Variants in AOPEP observed in about 807,000 individuals in gnomAD.
AOPEP encodes the protein aminopeptidase O.
In AOPEP, 77 loss-of-function variants were observed where a neutral mutation model predicts 98.1. The ratio of observed to expected loss-of-function variants is 0.78; its 90% CI spans 0.65 to 0.95. The LOEUF (loss-of-function observed/expected upper bound fraction) is 0.95, where lower values mean the gene tolerates loss of function less well. AOPEP is among the 40% of genes least tolerant of loss of function. AOPEP has a pLI of 0.00. For missense variants in AOPEP, 1,024 were observed against 1,024.7 expected, an observed-to-expected ratio of 1.00 and a Z score of 0.01; for synonymous variants, 346 against 365.3, an observed-to-expected ratio of 0.95 and a Z score of 0.60.
the AOPEP span, among the ~76,000 whole-genome samples, chr9:95,097,985 C>G: frequency 2.0e-5 from 3 of 152,118 alleles, no homozygotes; most frequent in Non-Finnish European, 4.4e-5. Context: ...CCCGAGCCCC[C>G]GGGCTGGGGG....
At chr9:94,865,466 A>C (rs1276764426) in intron 5 of AOPEP, among the ~76,000 whole-genome samples, 2 of 152,186 alleles carry the variant, frequency 1.3e-5, no homozygotes, top group Admixed American at 1.3e-4. Flanking sequence ...AAATGAAAGG[A>C]ATCTGTAATG....
the AOPEP span, chr9:95,126,937 A>G: frequency 6.5e-6 from 2 of 309,302 alleles, no homozygotes; most frequent in East Asian, 1.5e-4. Context: ...GTTCTACTGA[A>G]GTGTGCCTGT....
intron 7 of AOPEP, among the ~76,000 whole-genome samples, chr9:94,944,172 G>C (rs919722922): frequency 1.3e-5 from 2 of 152,276 alleles, no homozygotes; most frequent in Admixed American, 1.3e-4. Flanking sequence ...TGGTGCAGCT[G>C]CTGTGGAAAA....
intron 5 of AOPEP, among the ~76,000 whole-genome samples, chr9:94,907,739 G>A (rs891719122): frequency 6.6e-6 from 1 of 152,058 alleles, no homozygotes; most frequent in Admixed American, 6.5e-5. Flanking sequence ...ACTAGAATTC[G>A]AGGCATGTCC....
At chr9:95,050,803 T>C (rs903331157) in intron 13 of AOPEP, among the ~76,000 whole-genome samples, 1 of 152,218 alleles carries the variant, frequency 6.6e-6, no homozygotes, top group Admixed American at 6.5e-5. Flanking sequence ...AAAAAATATT[T>C]ATGTTGTCTT....
intron 5 of AOPEP, among the ~76,000 whole-genome samples, chr9:94,909,339 G>A (rs1173089444): frequency 2.0e-5 from 2 of 99,546 alleles, no homozygotes; most frequent in Non-Finnish European, 3.7e-5. Context: ...GTGAATTTTT[G>A]GAGCCTTAAA....
At chr9:95,088,515 T>C (rs557291223), downstream of AOPEP, among the ~76,000 whole-genome samples, 1 of 151,356 alleles carries the variant, frequency 6.6e-6, no homozygotes, top group African/African-American at 2.4e-5. Context: ...GGCCTCTCTC[T>C]CTCTCTCTCT....
At chr9:94,865,694 G>T (rs2045625131) in intron 5 of AOPEP, among the ~76,000 whole-genome samples, 1 of 152,148 alleles carries the variant, frequency 6.6e-6, no homozygotes, top group Non-Finnish European at 1.5e-5. Context: ...TCACTGTAAT[G>T]CAAGAAACCA....
At chr9:94,840,756 T>G (rs2134794652) in intron 5 of AOPEP, among the ~76,000 whole-genome samples, 1 of 152,300 alleles carries the variant, frequency 6.6e-6, no homozygotes, top group Admixed American at 6.5e-5. Flanking sequence ...TTTTTTTTAA[T>G]CTAAGTTGTT....
the AOPEP span, chr9:95,127,224 C>A: frequency 6.5e-6 from 1 of 153,100 alleles, no homozygotes; most frequent in South Asian, 2.1e-4. Context: ...CCTCCGGTAG[C>A]CCTGGGAGCT....
At chr9:94,888,080 T>C (rs1450362217) in intron 5 of AOPEP, among the ~76,000 whole-genome samples, 1 of 152,230 alleles carries the variant, frequency 6.6e-6, no homozygotes, top group Non-Finnish European at 1.5e-5. Flanking sequence ...ATTTTAATTA[T>C]AGTAGCACCT....
At chr9:94,809,727 G>T (rs1359128849) in intron 5 of AOPEP, among the ~76,000 whole-genome samples, 1 of 152,184 alleles carries the variant, frequency 6.6e-6, no homozygotes, top group Non-Finnish European at 1.5e-5. Context: ...TAAGTTATAT[G>T]CATTTAGTAC....
intron 5 of AOPEP, among the ~76,000 whole-genome samples, chr9:94,854,329 A>G (rs1045012183): frequency 2.0e-5 from 3 of 152,218 alleles, no homozygotes; most frequent in Admixed American, 2.0e-4. Context: ...GTGCCTCATG[A>G]AAGATTTTGG....
At chr9:94,733,505 C>T (rs955215906) in intron 1 of AOPEP, among the ~76,000 whole-genome samples, 1 of 152,302 alleles carries the variant, frequency 6.6e-6, no homozygotes, top group Non-Finnish European at 1.5e-5. Context: ...CAGCTCATGG[C>T]AAGCACTTTA....
At chr9:95,001,909 CT>C (rs1202672149) in intron 11 of AOPEP, among the ~76,000 whole-genome samples, 1 of 151,704 alleles carries the variant, frequency 6.6e-6, no homozygotes, top group Non-Finnish European at 1.5e-5. Context: ...TCCCAGATAG[CT>C]GGTACCGCAG....
At chr9:95,022,876 A>T (rs561295832) in intron 13 of AOPEP, among the ~76,000 whole-genome samples, 155 of 152,206 alleles carry the variant, frequency 1.0e-3, no homozygotes, top group African/African-American at 3.7e-3. Context: ...TTATTTTTCC[A>T]TAGAACTTTG....
intron 3 of AOPEP, among the ~76,000 whole-genome samples, chr9:94,785,360 A>G (rs910107187): frequency 2.6e-5 from 4 of 152,230 alleles, no homozygotes; most frequent in South Asian, 2.1e-4. Flanking sequence ...GAAAATGTCT[A>G]TTTGGGTCTT....
chr9:94,826,555 A>G (rs888899990), intron 5 of AOPEP, among the ~76,000 whole-genome samples: 7 of 152,212 alleles, frequency 4.6e-5, no homozygotes, highest in Non-Finnish European at 7.3e-5. Flanking sequence ...GTTTTTGTAC[A>G]TGCTGACAGA....
intron 10 of AOPEP, among the ~76,000 whole-genome samples, chr9:94,971,315 T>A (rs952622666): frequency 1.3e-5 from 2 of 152,124 alleles, no homozygotes; most frequent in East Asian, 1.9e-4. Context: ...AGCTTCTTTT[T>A]AAAAAAATCT....
Sources: allele counts gnomAD v4.1 joint callset (sites outside exome capture counted in the v4.1 genomes callset), GRCh38; gene constraint gnomAD v4.1.1; transcripts MANE v1.5; gene names NCBI Gene and HGNC (gene_info 2026-07-23, HGNC 2026-07-21).